FGF6: variants seen among roughly 807,000 people sequenced by gnomAD.
The protein encoded by FGF6 is FGF-6.
A neutral mutation model predicts 18.4 loss-of-function variants in FGF6; 14 were observed. That is an observed-to-expected ratio of 0.76 (90% CI 0.50 to 1.19). The LOEUF (loss-of-function observed/expected upper bound fraction) is 1.19, where lower values mean the gene tolerates loss of function less well. FGF6 is among the 50% of genes most tolerant of loss of function. FGF6 has a pLI of 0.00. For missense variants in FGF6, 266 were observed against 271.6 expected, an observed-to-expected ratio of 0.98 and a Z score of 0.15; for synonymous variants, 125 against 116.7, an observed-to-expected ratio of 1.07 and a Z score of -0.46.
At chr12:4,438,971 C>T (rs1392673699) in intron 2 of FGF6, among the ~76,000 whole-genome samples, 3 of 152,002 alleles carry the variant, frequency 2.0e-5, no homozygotes, top group East Asian at 1.9e-4. Flanking sequence ...GATACCGGTG[C>T]GTGCACGTGT....
intron 2 of FGF6, 97 bp downstream of exon 2, chr12:4,444,036 A>C (rs1000283530): frequency 2.6e-6 from 2 of 758,408 alleles, no homozygotes; most frequent in Non-Finnish European, 4.4e-6. Context: ...TCCCATTTAG[A>C]TAGTCACTTC....
At chr12:4,443,943 C>T (rs1382599912) in intron 2 of FGF6, among the ~76,000 whole-genome samples, 190 bp downstream of exon 2, 1 of 152,174 alleles carries the variant, frequency 6.6e-6, no homozygotes, top group African/African-American at 2.4e-5. Flanking sequence ...CGGGCCAGGG[C>T]AGAGGACAAT....
At chr12:4,438,588 G>C (rs1231505815) in intron 2 of FGF6, among the ~76,000 whole-genome samples, 3 of 151,584 alleles carry the variant, frequency 2.0e-5, no homozygotes, top group Non-Finnish European at 2.9e-5. Context: ...TGGTGAAACC[G>C]CATCTCTACC....
At chr12:4,439,659 C>CT (rs548109801) in intron 2 of FGF6, among the ~76,000 whole-genome samples, 218 of 146,782 alleles carry the variant, frequency 1.5e-3, no homozygotes, top group African/African-American at 3.9e-3. Context: ...AACATACACA[C>CT]TTTTTTTTTT....
chr12:4,443,617 C>T (rs977085031), intron 2 of FGF6, among the ~76,000 whole-genome samples: 5 of 152,170 alleles, frequency 3.3e-5, no homozygotes, highest in Non-Finnish European at 5.9e-5. Context: ...GCTTCTCTAG[C>T]GTACGTGATC....
chr12:4,443,460 A>AGT (rs1240462101), intron 2 of FGF6, among the ~76,000 whole-genome samples: 1 of 152,186 alleles, frequency 6.6e-6, no homozygotes, highest in African/African-American at 2.4e-5. Context: ...AGAGTAGGTC[A>AGT]GTGAGAGCAG....
At position 4,445,352 on chromosome 12, in the gene FGF6, G is replaced by A. The variant is rs1865748126; in HGVS notation, c.219C>T (p.Asn73=). Residue 73 remains asparagine, a synonymous_variant, in exon 1 of 3, where the codon AAC becomes AAT. Coordinates refer to ENST00000228837, the MANE Select transcript of FGF6 (RefSeq NM_020996.3). The surrounding 1 kb of genome is among the most constrained non-coding windows in gnomAD (Gnocchi z 5.5). ...AGLAGEIAGV[N]WESGYLVGIK... The stretch of plus-strand genomic sequence containing the variant: ...TCCCCACCAAATAGCCACTTTCCCA[G>A]TTCACCCCGGCAATCTCTCCAGCTA... 1.9e-6 allele frequency: 3 copies of A among 1,613,882 alleles called. No homozygotes were observed. The highest frequency in any genetic ancestry group is 2.5e-6 in the Non-Finnish European group (3 of 1,180,038).
chr12:4,443,780 C>T (rs1865720399), intron 2 of FGF6, among the ~76,000 whole-genome samples: 1 of 152,234 alleles, frequency 6.6e-6, no homozygotes, highest in Non-Finnish European at 1.5e-5. Flanking sequence ...GAGAGACAGA[C>T]TTGCTCTCGG....
In FGF6 at chr12:4,434,320, G is replaced by A. The variant is rs1013679511; in HGVS notation, c.522C>T (p.Asp174=). 1.9e-6 allele frequency: 3 copies of A among 1,614,068 alleles called. No individual in the cohort carries two copies. The highest frequency in any genetic ancestry group is 2.5e-6 in the Non-Finnish European group (3 of 1,180,018). ...LPNNYNAYES[D]LYQGTYIALS... is the part of the protein sequence containing the mutation. ...GGGCAATGTAGGTCCCTTGGTACAA[G>A]TCTGACTCGTAGGCATTGTAATTGT... The change falls in exon 3 of 3, where the codon GAC becomes GAT. Residue 174 remains aspartate, a synonymous_variant. Transcript: ENST00000228837.
At chr12:4,434,789 G>A (rs542747703) in intron 2 of FGF6, among the ~76,000 whole-genome samples, 11 of 152,270 alleles carry the variant, frequency 7.2e-5, no homozygotes, top group South Asian at 2.1e-4. Flanking sequence ...GTTTTCTCAA[G>A]TCCACTCTGA....
At chr12:4,441,393 G>A (rs1034377806) in intron 2 of FGF6, among the ~76,000 whole-genome samples, 1 of 152,192 alleles carries the variant, frequency 6.6e-6, no homozygotes, top group Non-Finnish European at 1.5e-5. Context: ...CCGGGTGTCC[G>A]CAGCTGCACA....
In FGF6 at chr12:4,445,469, C is replaced by G; in HGVS notation, c.102G>C (p.Met34Ile). 6.2e-7 allele frequency: 1 copy of G among 1,613,300 alleles called. No homozygotes were observed. The highest frequency in any genetic ancestry group is 2.2e-5 in the East Asian group (1 of 44,888). ...ALVFLGILVG[M>I]VVPSPAGTRA... is the part of the protein sequence containing the mutation. ...GGGTGCCTGCAGGCGAGGGCACCACCATGCCCACTAGGATGCCTAGGAAGA... is the reference window on the plus strand; with the variant it reads ...GGGTGCCTGCAGGCGAGGGCACCACGATGCCCACTAGGATGCCTAGGAAGA... Residue 34 changes from methionine (M) to isoleucine (I), a missense_variant, in exon 1 of 3, where the codon ATG becomes ATC. Coordinates refer to ENST00000228837, the MANE Select transcript of FGF6 (RefSeq NM_020996.3). The surrounding 1 kb of genome is among the most constrained non-coding windows in gnomAD (Gnocchi z 5.5).
At position 4,445,268 on chromosome 12, in the gene FGF6, G is replaced by C. The variant is rs780761036; in HGVS notation, c.303C>G (p.Leu101=). The change falls in exon 1 of 3, where the codon CTC becomes CTG. Residue 101 remains leucine (L), a synonymous_variant. Coordinates refer to ENST00000228837, the MANE Select transcript of FGF6 (RefSeq NM_020996.3). The surrounding 1 kb of genome is among the most constrained non-coding windows in gnomAD (Gnocchi z 5.5). Reference sequence around the variant, plus strand: ...GGGTCCCGCTGATCCGGCCGTCGGGGAGCACCTGGAGGTGAAAGCCGATGC... The same window carrying C: ...GGGTCCCGCTGATCCGGCCGTCGGGCAGCACCTGGAGGTGAAAGCCGATGC... The part of the protein sequence containing the change: ...NVGIGFHLQV[L]PDGRISGTHE... 1.4e-5 allele frequency: 22 copies of C among 1,613,974 alleles called. No individual in the cohort carries two copies. In the South Asian group the frequency reaches 2.3e-4, roughly 17 times the overall value.
intron 2 of FGF6, among the ~76,000 whole-genome samples, chr12:4,443,839 G>A (rs1200209527): frequency 6.6e-6 from 1 of 152,226 alleles, no homozygotes; most frequent in African/African-American, 2.4e-5. Flanking sequence ...CTGGATGCCA[G>A]AATGTGGGTT....
At chr12:4,443,894 C>A (rs1865722411) in intron 2 of FGF6, among the ~76,000 whole-genome samples, 1 of 152,172 alleles carries the variant, frequency 6.6e-6, no homozygotes, top group Admixed American at 6.5e-5. Context: ...TCCGTTTAAG[C>A]ACACGGGCTC....
At position 4,443,700 on chromosome 12, in the gene FGF6, C is replaced by T. The variant is rs183195521; in HGVS notation, c.450+433G>A. 1.9e-4 allele frequency among the ~76,000 whole-genome samples: 29 copies of T among 152,304 alleles called. No homozygotes were observed. In the East Asian group the frequency reaches 5.6e-3, roughly 29 times the overall value. On this transcript the variant is annotated intron_variant, in intron 2 of 2. Transcript: ENST00000228837. ...TGAGGATGAAAATAGCCTCCCATTC[C>T]ACTCCTCCTGCTGCGCACGAGGCTG...
At chr12:4,444,575 ATTC>A (rs761614152) in intron 1 of FGF6, among the ~76,000 whole-genome samples, 134 of 152,194 alleles carry the variant, frequency 8.8e-4, no homozygotes, top group African/African-American at 3.1e-3. Flanking sequence ...ATAAATTCTG[ATTC>A]TTCTTCTTCT....
rs1173531489 is a variant in FGF6, at chr12:4,445,217, GCACT to G, written c.346+4_346+7del. On this transcript the variant is annotated splice_donor_5th_base_variant and intron_variant, in intron 1 of 2. Coordinates refer to ENST00000228837, the MANE Select transcript of FGF6 (RefSeq NM_020996.3). The surrounding 1 kb of genome is among the most constrained non-coding windows in gnomAD (Gnocchi z 5.5). ...CAAGCGTCCCGACTGGCTGCAGCTG[GCACT>G]CACTGTAGGGGTTCTCCTCGTGGGT... 2 of 1,599,840 alleles carry G rather than the reference GCACT, an allele frequency of 1.3e-6. No individual in the cohort carries two copies. Among genetic ancestry groups the G allele is most frequent in the Non-Finnish European group, 1.7e-6 (2 of 1,173,496 alleles).
intron 1 of FGF6, among the ~76,000 whole-genome samples, chr12:4,444,876 G>A (rs1865738205): frequency 6.6e-6 from 1 of 152,220 alleles, no homozygotes; most frequent in Non-Finnish European, 1.5e-5. Context: ...ATGAGCTTGT[G>A]TCAAATTTGA....
Sources: allele counts gnomAD v4.1 joint callset (sites outside exome capture counted in the v4.1 genomes callset), GRCh38; gene constraint gnomAD v4.1.1; non-coding constraint Gnocchi (gnomAD v3.1); transcripts MANE v1.5; gene names NCBI Gene and HGNC (gene_info 2026-07-23, HGNC 2026-07-21).